Variants in BMX observed in about 807,000 individuals in gnomAD.
The protein encoded by BMX is cytoplasmic tyrosine-protein kinase BMX.
BMX carries 31 observed loss-of-function variants against 59.2 expected under a neutral mutation model. That is an observed-to-expected ratio of 0.52 (90% confidence interval 0.39 to 0.71). The LOEUF is 0.71. Ranked by LOEUF, BMX falls within the 30% of genes least tolerant of loss-of-function variation. The pLI is 0.00. For synonymous variants in BMX, 185 were observed against 181.0 expected (o/e 1.02, Z -0.18); for missense variants, 474 against 491.7 (o/e 0.96, Z 0.34).
intron 18 of BMX, among the ~76,000 whole-genome samples, chrX:15,550,947 C>G (rs1193399760): frequency 9.0e-6 from 1 of 110,913 alleles, no homozygotes; most frequent in Admixed American, 9.6e-5. Context: ...TGAGTGGAGA[C>G]ATTGTAAAAG....
chrX:15,531,848 C>T (rs1925093571), intron 11 of BMX, among the ~76,000 whole-genome samples: 1 of 111,855 alleles, frequency 8.9e-6, no homozygotes, highest in Non-Finnish European at 1.9e-5. Flanking sequence ...CCACTGGGTG[C>T]AGAGTTAGCA....
In BMX at chrX:15,525,283, T is replaced by C; in HGVS notation, c.753-5T>C. 5.8e-6 allele frequency: 7 copies of C among 1,206,560 alleles called. No individual in the cohort carries two copies. The highest frequency in any genetic ancestry group is 7.8e-6 in the Non-Finnish European group (7 of 892,128). The stretch of plus-strand genomic sequence containing the variant: ...ATAAACTTATAAAATGTCTCTTTTT[T>C]GCAGTAGCAGCAGCAGTGAAGATGT... On this transcript the variant is annotated splice_polypyrimidine_tract_variant and splice_region_variant and intron_variant, in intron 7 of 18. Coordinates refer to ENST00000348343, the MANE Select transcript of BMX (RefSeq NM_203281.3).
chrX:15,511,621 C>A, intron 4 of BMX, 103 bp downstream of exon 4: 1 of 603,878 alleles, frequency 1.7e-6, no homozygotes, highest in Non-Finnish European at 2.6e-6. Flanking sequence ...AGTAAAAAGA[C>A]TCAATGCCAA....
Position 15,511,482 on chromosome X carries a change from G to A in BMX, c.289G>A (p.Glu97Lys), listed in dbSNP as rs914617893. The A allele has an allele frequency of 8.3e-7, 1 of 1,204,213 alleles. No homozygotes were observed. The highest frequency in any genetic ancestry group is 1.8e-5 in the African/African-American group (1 of 56,820). The stretch of plus-strand genomic sequence containing the variant: ...TCTCTATGTCTATGCATCAAATGAA[G>A]AGAGCCGAAGTCAGTGGTTGAAAGC... ...GLLYVYASNEESRSQWLKALQ... is the reference protein window; with the variant it reads ...GLLYVYASNEKSRSQWLKALQ... The change falls in exon 4 of 19, where the codon GAG becomes AAG. Residue 97 changes from glutamate (E) to lysine (K), a missense_variant. By Grantham distance (56) the Glu-to-Lys change is moderately conservative (BLOSUM62 1). Coordinates refer to ENST00000348343, the MANE Select transcript of BMX (RefSeq NM_203281.3).
At chrX:15,513,792 T>C (rs765219504) in intron 4 of BMX, among the ~76,000 whole-genome samples, 8 of 111,337 alleles carry the variant, frequency 7.2e-5, no homozygotes, top group South Asian at 3.8e-4. Flanking sequence ...CATCATAATG[T>C]AGTAGAAAAA....
rs554943924 is a variant in BMX, at chrX:15,542,758, C to T, written c.1612-313C>T. On this transcript the variant is annotated intron_variant, in intron 15 of 18. Transcript: ENST00000348343. ...TGCCTTCAAAGCATCTGTGAATGCA[C>T]GGTATCTGGTGGTGGAAAGGGAGAT... 1.4e-4 allele frequency among the ~76,000 whole-genome samples: 16 copies of T among 111,730 alleles called. No individual in the cohort carries two copies. The South Asian group carries it at 2.2e-3, about 16-fold the overall frequency.
At chrX:15,535,538 G>A (rs1470813761) in intron 12 of BMX, among the ~76,000 whole-genome samples, 1 of 111,835 alleles carries the variant, frequency 8.9e-6, no homozygotes, top group Non-Finnish European at 1.9e-5. Context: ...GAAATATTAA[G>A]ATGTTTATTT....
At position 15,531,522 on chromosome X, in the gene BMX, A is replaced by G. The variant is rs552155216; in HGVS notation, c.1019+115A>G. 2.4e-5 allele frequency: 16 copies of G among 653,237 alleles called. 1 individual carries two copies. The highest frequency in any genetic ancestry group is 6.6e-5 in the African/African-American group (3 of 45,674). The allele number at this position is 653,237 out of a possible 1,213,427, so 53.8% of individuals were successfully genotyped here. ...TCTTTAAACTCTGGAATTTTAAATCAAAGTATTTCTATTGAATGTGACCAT... is the reference window on the plus strand; with the variant it reads ...TCTTTAAACTCTGGAATTTTAAATCGAAGTATTTCTATTGAATGTGACCAT... On this transcript the variant is annotated intron_variant, in intron 11 of 18. Coordinates refer to ENST00000348343, the MANE Select transcript of BMX (RefSeq NM_203281.3).
intron 18 of BMX, among the ~76,000 whole-genome samples, chrX:15,554,105 G>A (rs750328856): frequency 8.9e-5 from 10 of 112,288 alleles, no homozygotes; most frequent in Middle Eastern, 4.6e-3. Context: ...TCATCCTTCT[G>A]GTATTTCTGT....
chrX:15,525,197 C>T lies in BMX; in HGVS notation c.753-91C>T, dbSNP rs1924652320. ...GTGTGGGTCAAAATGTCAAATAAAG[C>T]TAAAACATATCTGAACAAAATTACT... On this transcript the variant is annotated intron_variant, in intron 7 of 18. Coordinates refer to ENST00000348343, the MANE Select transcript of BMX (RefSeq NM_203281.3). 3.1e-5 allele frequency: 27 copies of T among 881,085 alleles called. 1 individual carries two copies. The South Asian group carries it at 7.1e-4, about 23-fold the overall frequency. 72.6% of individuals were successfully genotyped at this position (881,085 alleles called of 1,213,427 possible). A position where few individuals can be genotyped will look rare whatever the true frequency, so the allele number is the denominator to read the frequency against.
intron 7 of BMX, among the ~76,000 whole-genome samples, chrX:15,523,844 C>T (rs1229689111): frequency 2.7e-5 from 3 of 112,013 alleles, no homozygotes; most frequent in Non-Finnish European, 5.6e-5. Flanking sequence ...TTTAGATTTG[C>T]ACCTCCTTAG....
chrX:15,508,581 G>T, intron 2 of BMX, 90 bp downstream of exon 2: 1 of 763,960 alleles, frequency 1.3e-6, no homozygotes, highest in East Asian at 3.7e-5. Flanking sequence ...AAGAATATCA[G>T]GTTTCTTAAC....
intron 9 of BMX, among the ~76,000 whole-genome samples, chrX:15,527,277 T>TAC (rs1417863499): frequency 3.6e-4 from 18 of 49,421 alleles, no homozygotes; most frequent in African/African-American, 1.4e-3. Context: ...TATATATATA[T>TAC]ATATATACAC....
intron 6 of BMX, among the ~76,000 whole-genome samples, chrX:15,521,108 G>GAA (rs1367316403): frequency 1.8e-5 from 2 of 111,798 alleles, no homozygotes; most frequent in African/African-American, 6.5e-5. Flanking sequence ...TAAGTGTTCA[G>GAA]CTTGATGAAT....
Position 15,516,138 on chromosome X carries a change from G to A in BMX, c.352G>A (p.Val118Ile). The change falls in exon 5 of 19, where the codon GTC (valine) becomes ATC (isoleucine). Residue 118 changes from valine to isoleucine, a missense_variant. Coordinates refer to ENST00000348343, the MANE Select transcript of BMX (RefSeq NM_203281.3). The stretch of plus-strand genomic sequence containing the variant: ...GATAAGGGGTAACCCCCACCTGCTG[G>A]TCAAGTACCATAGTGGGTTCTTCGT... The part of the protein sequence containing the change: ...KEIRGNPHLL[V>I]KYHSGFFVDG... 3 of 1,211,091 alleles carry A rather than the reference G, an allele frequency of 2.5e-6. No individual in the cohort carries two copies. Among genetic ancestry groups the A allele is most frequent in the South Asian group, 1.8e-5 (1 of 56,922 alleles).
intron 10 of BMX, among the ~76,000 whole-genome samples, chrX:15,530,310 G>A (rs1314006530): frequency 9.0e-6 from 1 of 111,639 alleles, no homozygotes; most frequent in East Asian, 2.8e-4. Context: ...GCAGTTCTTA[G>A]GCAAGTTTTG....
At chrX:15,547,927 AT>A (rs1926016482) in intron 17 of BMX, among the ~76,000 whole-genome samples, 1 of 111,664 alleles carries the variant, frequency 9.0e-6, no homozygotes, top group Non-Finnish European at 1.9e-5. Flanking sequence ...GTGTAATTTG[AT>A]TTACTGCTTG....
chrX:15,511,954 T>C (rs1226337783), intron 4 of BMX, among the ~76,000 whole-genome samples: 3 of 112,496 alleles, frequency 2.7e-5, no homozygotes, highest in South Asian at 7.3e-4. Flanking sequence ...ATCAAATGCT[T>C]GTAAAACATT....
At chrX:15,537,361 C>T (rs1925417629) in intron 14 of BMX, 56 bp downstream of exon 14, 2 of 1,157,100 alleles carry the variant, frequency 1.7e-6, no homozygotes, top group Non-Finnish European at 1.2e-6. Flanking sequence ...GGCATTAGCA[C>T]TAATAGGCCT....
Sources: gnomAD v4.1 joint callset for allele counts (sites outside exome capture counted in the v4.1 genomes callset) on GRCh38, gnomAD v4.1.1 for gene constraint, MANE v1.5 for transcripts, NCBI Gene and HGNC (gene_info 2026-07-23, HGNC 2026-07-21) for gene names.